Variants in C1orf21 observed in about 807,000 individuals in gnomAD.
C1orf21 encodes uncharacterized protein C1orf21.
C1orf21 carries 3 observed loss-of-function variants against 18.7 expected under a neutral mutation model. The ratio of observed to expected loss-of-function variants is 0.16; its 90% confidence interval spans 0.07 to 0.42. The LOEUF (loss-of-function observed/expected upper bound fraction) is 0.42. Ranked by LOEUF, C1orf21 falls within the 10% of genes least tolerant of loss-of-function variation. C1orf21 has a pLI of 0.99. For missense variants in C1orf21, 104 were observed against 143.6 expected, an observed-to-expected ratio of 0.72 and a Z score of 1.41; for synonymous variants, 41 against 46.4, an observed-to-expected ratio of 0.88 and a Z score of 0.47.
chr1:184,488,094 G>A (rs1032258958), intron 2 of C1orf21, among the ~76,000 whole-genome samples: 1 of 152,142 alleles, frequency 6.6e-6, no homozygotes, highest in African/African-American at 2.4e-5. Flanking sequence ...CTTAAAAGAT[G>A]ATCAATTGTC....
intron 3 of C1orf21, chr1:184,567,199 C>T (rs1571280798): frequency 2.1e-6 from 1 of 470,624 alleles, no homozygotes; most frequent in African/African-American, 2.0e-5. Context: ...GCCTAAGGCA[C>T]ACAATGGCTG....
chr1:184,573,457 A>C (rs966717094), intron 3 of C1orf21, among the ~76,000 whole-genome samples: 1 of 152,198 alleles, frequency 6.6e-6, no homozygotes, highest in African/African-American at 2.4e-5. Flanking sequence ...CATTTGATGA[A>C]TCCGATTTTT....
chr1:184,455,845 A>G (rs1657190632), intron 1 of C1orf21, among the ~76,000 whole-genome samples: 1 of 152,218 alleles, frequency 6.6e-6, no homozygotes, highest in Admixed American at 6.5e-5. Context: ...TTTTGATAGC[A>G]ACCCTAGAAA....
chr1:184,616,614 C>T (rs973056735), intron 5 of C1orf21, among the ~76,000 whole-genome samples: 1 of 152,208 alleles, frequency 6.6e-6, no homozygotes, highest in African/African-American at 2.4e-5. Flanking sequence ...CCCAGAAACT[C>T]ATTTACCAAA....
chr1:184,435,541 C>G (rs1422779441), intron 1 of C1orf21, among the ~76,000 whole-genome samples: 2 of 152,126 alleles, frequency 1.3e-5, no homozygotes, highest in African/African-American at 4.8e-5. Context: ...TGGGGTTTCC[C>G]CATGTTGGTG....
intron 1 of C1orf21, among the ~76,000 whole-genome samples, chr1:184,467,092 T>C (rs1368424722): frequency 6.6e-6 from 1 of 152,166 alleles, no homozygotes; most frequent in Non-Finnish European, 1.5e-5. Flanking sequence ...AATTTAGTTA[T>C]TGGTGATGAA....
At chr1:184,399,887 C>A (rs1020161039) in intron 1 of C1orf21, among the ~76,000 whole-genome samples, 2 of 152,218 alleles carry the variant, frequency 1.3e-5, no homozygotes, top group African/African-American at 4.8e-5. Flanking sequence ...ACCTTGACAA[C>A]ATCAACTATT....
chr1:184,519,658 C>A (rs1658278223), intron 3 of C1orf21, among the ~76,000 whole-genome samples: 1 of 152,144 alleles, frequency 6.6e-6, no homozygotes, highest in Non-Finnish European at 1.5e-5. Context: ...CTCTCTTATT[C>A]CCTATGTGTT....
chr1:184,591,877 A>G (rs150768418), intron 4 of C1orf21, among the ~76,000 whole-genome samples: 216 of 152,310 alleles, frequency 1.4e-3, no homozygotes, highest in African/African-American at 5.1e-3. Context: ...AATACTATAC[A>G]TCAGTGAAAA....
chr1:184,525,355 T>G (rs985685897), intron 3 of C1orf21, among the ~76,000 whole-genome samples: 1 of 152,170 alleles, frequency 6.6e-6, no homozygotes, highest in Non-Finnish European at 1.5e-5. Context: ...GAATTATGAT[T>G]TTCCAACTTT....
At chr1:184,395,057 C>T (rs1240822084) in intron 1 of C1orf21, among the ~76,000 whole-genome samples, 1 of 152,174 alleles carries the variant, frequency 6.6e-6, no homozygotes, top group Non-Finnish European at 1.5e-5. Context: ...TTTCTCAAAT[C>T]TCACTTCAAA....
chr1:184,576,193 C>T (rs1481941317), intron 3 of C1orf21, among the ~76,000 whole-genome samples: 1 of 151,728 alleles, frequency 6.6e-6, no homozygotes, highest in African/African-American at 2.4e-5. Context: ...AGTACAATCT[C>T]GGCTCACTGC....
intron 4 of C1orf21, 145 bp downstream of exon 4, chr1:184,590,960 G>A (rs921116422): frequency 2.3e-5 from 16 of 698,426 alleles, no homozygotes; most frequent in South Asian, 1.9e-4. Flanking sequence ...TGAACTTGCC[G>A]CACACCAAGT....
chr1:184,397,369 A>G (rs1037567988), intron 1 of C1orf21, among the ~76,000 whole-genome samples: 49 of 152,128 alleles, frequency 3.2e-4, no homozygotes, highest in African/African-American at 1.1e-3. Flanking sequence ...GGCAGGTCAC[A>G]AGGTCAGGAG....
intron 3 of C1orf21, among the ~76,000 whole-genome samples, chr1:184,588,173 G>A (rs1228162328): frequency 1.3e-5 from 2 of 152,096 alleles, no homozygotes; most frequent in Non-Finnish European, 2.9e-5. Context: ...TTCAGACCTG[G>A]TATTTGGTAA....
chr1:184,601,458 T>C (rs531776662), intron 5 of C1orf21, among the ~76,000 whole-genome samples: 1 of 152,340 alleles, frequency 6.6e-6, no homozygotes, highest in Non-Finnish European at 1.5e-5. Context: ...TTCATATCTA[T>C]AGTAAAACTT....
chr1:184,582,988 G>A lies in C1orf21; in HGVS notation c.190-7751G>A, dbSNP rs144621647. ...CGAGTAGCTGGGATTACAGGCACACGTCACCATGCCTGGCTAAATTTTGTA... is the reference window on the plus strand; with the variant it reads ...CGAGTAGCTGGGATTACAGGCACACATCACCATGCCTGGCTAAATTTTGTA... On this transcript the variant is annotated intron_variant, in intron 3 of 5. Coordinates refer to ENST00000235307, the MANE Select transcript of C1orf21 (RefSeq NM_030806.4). Among the ~76,000 whole-genome samples the A allele has an allele frequency of 1.2e-3, 186 of 152,178 alleles. 2 individuals carry two copies. In the East Asian group the frequency reaches 0.014, roughly 12 times the overall value.
intron 1 of C1orf21, among the ~76,000 whole-genome samples, chr1:184,396,291 G>A (rs1656049366): frequency 6.6e-6 from 1 of 152,148 alleles, no homozygotes; most frequent in Non-Finnish European, 1.5e-5. Context: ...GACTGGAGGG[G>A]ACAGAGATGA....
chr1:184,507,352 A>T (rs935635868), intron 2 of C1orf21, among the ~76,000 whole-genome samples: 6 of 152,148 alleles, frequency 3.9e-5, no homozygotes, highest in African/African-American at 1.4e-4. Context: ...CCAGGCAGTG[A>T]CACTTTGATT....
Sources: gnomAD v4.1 joint callset for allele counts (sites outside exome capture counted in the v4.1 genomes callset) on GRCh38, gnomAD v4.1.1 for gene constraint, MANE v1.5 for transcripts, NCBI Gene and HGNC (gene_info 2026-07-23, HGNC 2026-07-21) for gene names.